The following AFF4 variants were observed in gnomAD, a reference collection of about 807,000 sequenced individuals.
AFF4 encodes AF4/FMR2 family member 4.
In AFF4, 13 loss-of-function variants were observed where a neutral mutation model predicts 124.8. That is an observed-to-expected ratio of 0.10 (90% CI 0.07 to 0.17). The LOEUF is 0.17. AFF4 is among the 10% of genes least tolerant of loss of function. The pLI, the probability that AFF4 is intolerant of heterozygous loss-of-function variation, is 1.00. For missense variants in AFF4, 1,092 were observed against 1,403.8 expected, an observed-to-expected ratio of 0.78 and a Z score of 3.55; for synonymous variants, 477 against 496.1, an observed-to-expected ratio of 0.96 and a Z score of 0.51.
Position 132,934,868 on chromosome 5 carries a change from A to G in AFF4, c.197T>C (p.Ile66Thr), listed in dbSNP as rs775906944. The G allele has an allele frequency of 1.9e-6, 3 of 1,613,988 alleles. No individual in the cohort carries two copies. The highest frequency in any genetic ancestry group is 1.3e-5 in the African/African-American group (1 of 74,914). The change falls in exon 3 of 21, where the codon ATA (isoleucine) becomes ACA (threonine). Residue 66 changes from isoleucine (I) to threonine (T), a missense_variant. By Grantham distance (89) the Ile-to-Thr change is moderately conservative. Transcript: ENST00000265343. The stretch of plus-strand genomic sequence containing the variant: ...AAGCTTTGGTATAGATCTGTCTCCT[A>G]TGAAATCCTTCATTTCATCGTAGTT... ...LGNYDEMKDF[I>T]GDRSIPKLVA...
At chr5:132,950,306 T>A (rs1761811700) in intron 1 of AFF4, among the ~76,000 whole-genome samples, 2 of 151,794 alleles carry the variant, frequency 1.3e-5, no homozygotes, top group Admixed American at 6.6e-5. Context: ...AGAAACCCCG[T>A]CTCTACTAAA....
chr5:132,936,124 G>A (rs1262282288), intron 2 of AFF4, among the ~76,000 whole-genome samples: 5 of 150,718 alleles, frequency 3.3e-5, no homozygotes, highest in Non-Finnish European at 5.9e-5. Flanking sequence ...AAAATTAGCC[G>A]GGCATGGTGG....
intron 20 of AFF4, among the ~76,000 whole-genome samples, chr5:132,881,393 G>A (rs1003700670): frequency 1.3e-5 from 2 of 152,154 alleles, no homozygotes; most frequent in Non-Finnish European, 2.9e-5. Flanking sequence ...ATTTTAAACA[G>A]AATGTATGGT....
chr5:132,936,569 T>G (rs1761436596), intron 2 of AFF4, among the ~76,000 whole-genome samples: 1 of 152,218 alleles, frequency 6.6e-6, no homozygotes, highest in Non-Finnish European at 1.5e-5. Flanking sequence ...TATTCATTTT[T>G]TATTGATATC....
At chr5:132,939,165 C>A (rs1490723053) in intron 1 of AFF4, among the ~76,000 whole-genome samples, 1 of 144,996 alleles carries the variant, frequency 6.9e-6, no homozygotes, top group Non-Finnish European at 1.5e-5. Flanking sequence ...TGCAGTGAGC[C>A]ATGATTGTGC....
intron 1 of AFF4, among the ~76,000 whole-genome samples, chr5:132,950,539 C>T (rs900784781): frequency 3.3e-5 from 5 of 152,084 alleles, no homozygotes; most frequent in Non-Finnish European, 7.4e-5. Context: ...ATCCTAGCTA[C>T]TCGGGAGGCT....
At chr5:132,933,463 C>A (rs1761348000) in intron 3 of AFF4, among the ~76,000 whole-genome samples, 1 of 151,302 alleles carries the variant, frequency 6.6e-6, no homozygotes, top group African/African-American at 2.4e-5. Flanking sequence ...AACCTTAGCA[C>A]TTTGAAGGCC....
intron 1 of AFF4, among the ~76,000 whole-genome samples, chr5:132,949,139 C>T (rs566439279): frequency 1.3e-5 from 2 of 150,924 alleles, no homozygotes; most frequent in East Asian, 3.9e-4. Context: ...AGTAGGAAGG[C>T]ATGTTGAGAG....
Position 132,879,988 on chromosome 5 carries a change from C to G in AFF4, c.*1071G>C. 1 of 377,602 alleles carries G rather than the reference C, an allele frequency of 2.6e-6. No individual in the cohort carries two copies. The highest frequency in any genetic ancestry group is 4.7e-6 in the Non-Finnish European group (1 of 212,694). The allele number at this position is 377,602 out of a possible 1,614,324, so 23.4% of individuals were successfully genotyped here. A position where few individuals can be genotyped will look rare whatever the true frequency, so the allele number is the denominator to read the frequency against. ...TAAGCTGTATAGCAAAAGCACACAC[C>G]GAAGCTCCAGCCTATTTCTGTATCA... On this transcript the variant is annotated 3_prime_UTR_variant, in exon 21 of 21. Transcript: ENST00000265343.
intron 1 of AFF4, among the ~76,000 whole-genome samples, chr5:132,951,674 C>A (rs1761845741): frequency 6.6e-6 from 1 of 152,258 alleles, no homozygotes; most frequent in East Asian, 1.9e-4. Context: ...ACTACAGGCA[C>A]CTGCCACAAC....
chr5:132,888,183 AAATAG>A, intron 14 of AFF4, 23 bp from the exon 15 acceptor site: 1 of 1,557,986 alleles, frequency 6.4e-7, no homozygotes, highest in Non-Finnish European at 8.8e-7. Context: ...TTTTCATTAT[AAATAG>A]AATAGTAAAT....
intron 1 of AFF4, among the ~76,000 whole-genome samples, chr5:132,955,998 A>G (rs1761951787): frequency 6.7e-6 from 1 of 149,462 alleles, no homozygotes; most frequent in African/African-American, 2.4e-5. Context: ...AATATATAAT[A>G]CACGTAATAC....
intron 1 of AFF4, among the ~76,000 whole-genome samples, chr5:132,939,908 T>C (rs903699528): frequency 6.6e-6 from 1 of 151,768 alleles, no homozygotes; most frequent in South Asian, 2.1e-4. Flanking sequence ...GCCTGAACTT[T>C]GGCTTAAGGC....
At chr5:132,930,441 T>TA (rs1458055111) in intron 4 of AFF4, among the ~76,000 whole-genome samples, 1 of 151,162 alleles carries the variant, frequency 6.6e-6, no homozygotes, top group African/African-American at 2.4e-5. Flanking sequence ...GCAGAAAGAA[T>TA]AAAAAAGAAC....
At chr5:132,935,102 ATCATT>A (rs1365491374) in intron 2 of AFF4, among the ~76,000 whole-genome samples, 161 bp from the exon 3 acceptor site, 4 of 152,248 alleles carry the variant, frequency 2.6e-5, no homozygotes, top group Admixed American at 2.6e-4. Flanking sequence ...CTCCAAATAT[ATCATT>A]TCTGTAGTGA....
intron 10 of AFF4, among the ~76,000 whole-genome samples, chr5:132,897,583 G>A (rs1293134711): frequency 2.0e-5 from 3 of 152,034 alleles, no homozygotes; most frequent in African/African-American, 4.8e-5. Flanking sequence ...GGTGGCGCAC[G>A]CCTGTAATCC....
At chr5:132,945,699 C>T (rs1581330176) in intron 1 of AFF4, among the ~76,000 whole-genome samples, 1 of 152,074 alleles carries the variant, frequency 6.6e-6, no homozygotes, top group East Asian at 1.9e-4. Context: ...TTGCAGTGAG[C>T]CAACACTGCA....
intron 2 of AFF4, 85 bp from the exon 3 acceptor site, chr5:132,935,026 G>C (rs180859417): frequency 2.7e-6 from 3 of 1,118,788 alleles, no homozygotes; most frequent in Admixed American, 3.1e-5. Flanking sequence ...TCCAAACTTC[G>C]AATGGAAAGG....
chr5:132,905,085 C>A (rs932093266), intron 5 of AFF4, among the ~76,000 whole-genome samples: 35 of 150,540 alleles, frequency 2.3e-4, no homozygotes, highest in African/African-American at 8.0e-4. Context: ...CTTTTATGGA[C>A]TAAAAAAATC....
Sources: gnomAD v4.1 joint callset for allele counts (sites outside exome capture counted in the v4.1 genomes callset) on GRCh38, gnomAD v4.1.1 for gene constraint, MANE v1.5 for transcripts, NCBI Gene and HGNC (gene_info 2026-07-23, HGNC 2026-07-21) for gene names.